The following DAGLA variants were observed in gnomAD, a reference collection of about 807,000 sequenced individuals.
DAGLA encodes diacylglycerol lipase-alpha.
A neutral mutation model predicts 102.6 loss-of-function variants in DAGLA; 22 were observed. The ratio of observed to expected loss-of-function variants is 0.21; its 90% CI spans 0.15 to 0.31. The LOEUF (loss-of-function observed/expected upper bound fraction) is 0.31. DAGLA is among the 10% of genes least tolerant of loss of function. The pLI is 1.00. For synonymous variants in DAGLA, 578 were observed against 628.9 expected (o/e 0.92, Z 1.21); for missense variants, 927 against 1,446.6 (o/e 0.64, Z 5.83).
At chr11:61,704,871 C>T (rs1565250788) in intron 1 of DAGLA, among the ~76,000 whole-genome samples, 1 of 152,142 alleles carries the variant, frequency 6.6e-6, no homozygotes, top group African/African-American at 2.4e-5. Context: ...GAGTGGGGAG[C>T]TGAATGTTCA....
chr11:61,681,246 G>A (rs1021664966), intron 1 of DAGLA, among the ~76,000 whole-genome samples: 1 of 152,242 alleles, frequency 6.6e-6, no homozygotes, highest in South Asian at 2.1e-4. Context: ...CAGAAGGCTG[G>A]GAGAAGGTTG....
intron 15 of DAGLA, 128 bp from the exon 16 acceptor site, chr11:61,738,007 G>A (rs937680084): frequency 4.9e-5 from 38 of 771,334 alleles, no homozygotes; most frequent in Middle Eastern, 2.8e-4. Context: ...TCTCCACCCC[G>A]TGACCCTGGC....
At chr11:61,701,231 TTC>T (rs1160565523) in intron 1 of DAGLA, among the ~76,000 whole-genome samples, 1 of 152,218 alleles carries the variant, frequency 6.6e-6, no homozygotes, top group Non-Finnish European at 1.5e-5. Context: ...CTTGGGCCTT[TTC>T]TCTCTCAGAC....
chr11:61,688,288 C>T (rs547557036), intron 1 of DAGLA, among the ~76,000 whole-genome samples: 40 of 145,824 alleles, frequency 2.7e-4, no homozygotes, highest in African/African-American at 9.8e-4. Context: ...GCACTCCAGC[C>T]TGGGTGACAG....
chr11:61,703,684 T>G (rs931750121), intron 1 of DAGLA, among the ~76,000 whole-genome samples: 1 of 150,528 alleles, frequency 6.6e-6, no homozygotes, highest in African/African-American at 2.4e-5. Flanking sequence ...GAGGAATGGA[T>G]GGATGGATGG....
At chr11:61,735,687 C>A (rs368788097) in intron 11 of DAGLA, 43 bp downstream of exon 11, 1 of 1,612,880 alleles carries the variant, frequency 6.2e-7, no homozygotes, top group Non-Finnish European at 8.5e-7. Flanking sequence ...TGCCTGCCTC[C>A]CTCTTCCTGT....
At chr11:61,706,942 G>A (rs144769645) in intron 1 of DAGLA, among the ~76,000 whole-genome samples, 3 of 152,372 alleles carry the variant, frequency 2.0e-5, no homozygotes, top group East Asian at 3.9e-4. Flanking sequence ...TCTCTCAGAC[G>A]TTGCCGTCAG....
chr11:61,682,610 G>A, intron 1 of DAGLA, among the ~76,000 whole-genome samples: 1 of 152,212 alleles, frequency 6.6e-6, no homozygotes. Flanking sequence ...GGTAGGTCTG[G>A]GAGGTGTCTG....
At chr11:61,680,716 G>GCCCA (rs1250329795) in intron 1 of DAGLA, among the ~76,000 whole-genome samples, 1 of 151,974 alleles carries the variant, frequency 6.6e-6, no homozygotes, top group Non-Finnish European at 1.5e-5. Context: ...ACGGGCGTGG[G>GCCCA]CAACGTGGGT....
At chr11:61,696,401 C>T (rs936165499) in intron 1 of DAGLA, among the ~76,000 whole-genome samples, 3 of 152,158 alleles carry the variant, frequency 2.0e-5, no homozygotes, top group Non-Finnish European at 2.9e-5. Flanking sequence ...GCCGTCCGTC[C>T]GTCAAGGACA....
intron 13 of DAGLA, 42 bp from the exon 14 acceptor site, chr11:61,737,137 TGGC>T (rs1336939850): frequency 6.2e-7 from 1 of 1,611,546 alleles, no homozygotes; most frequent in Admixed American, 1.7e-5. Flanking sequence ...GACAGTCGCT[TGGC>T]GGGCATTGGG....
intron 1 of DAGLA, among the ~76,000 whole-genome samples, chr11:61,699,362 T>C (rs1323583253): frequency 2.6e-5 from 4 of 152,146 alleles, no homozygotes; most frequent in Non-Finnish European, 5.9e-5. Context: ...CAGACCTCCA[T>C]GGCACTGCCT....
chr11:61,692,277 G>C (rs933828144), intron 1 of DAGLA, among the ~76,000 whole-genome samples: 1 of 152,106 alleles, frequency 6.6e-6, no homozygotes, highest in African/African-American at 2.4e-5. Context: ...CATCAGAATC[G>C]CTGGGAGGGG....
intron 1 of DAGLA, among the ~76,000 whole-genome samples, chr11:61,680,883 C>T (rs1301489630): frequency 6.6e-6 from 1 of 152,126 alleles, no homozygotes; most frequent in Non-Finnish European, 1.5e-5. Flanking sequence ...GTGGCCAGCT[C>T]GTGCCGGCAT....
At chr11:61,708,584 C>G (rs935922668) in intron 1 of DAGLA, among the ~76,000 whole-genome samples, 1 of 151,630 alleles carries the variant, frequency 6.6e-6, no homozygotes, top group African/African-American at 2.4e-5. Context: ...GGGGTTTCAC[C>G]GTGTTAGCCA....
At chr11:61,713,960 C>T (rs2065214562) in intron 1 of DAGLA, among the ~76,000 whole-genome samples, 1 of 152,196 alleles carries the variant, frequency 6.6e-6, no homozygotes, top group Non-Finnish European at 1.5e-5. Context: ...ATAGGAATCC[C>T]ATTCGTCATG....
chr11:61,697,774 C>G (rs930312952), intron 1 of DAGLA, among the ~76,000 whole-genome samples: 3 of 152,150 alleles, frequency 2.0e-5, no homozygotes, highest in African/African-American at 7.2e-5. Flanking sequence ...ACTGCAGCCT[C>G]GAATTCCTGG....
At chr11:61,700,972 C>T (rs556709504) in intron 1 of DAGLA, among the ~76,000 whole-genome samples, 1 of 152,334 alleles carries the variant, frequency 6.6e-6, no homozygotes, top group African/African-American at 2.4e-5. Flanking sequence ...CTTGCAATCC[C>T]ACTGACAGGT....
At chr11:61,739,194 C>T (rs928594712) in intron 16 of DAGLA, among the ~76,000 whole-genome samples, 8 of 152,222 alleles carry the variant, frequency 5.3e-5, no homozygotes, top group Admixed American at 4.6e-4. Flanking sequence ...GTTGGCTGGG[C>T]TTCCAGCCCC....
Sources: gnomAD v4.1 joint callset for allele counts (sites outside exome capture counted in the v4.1 genomes callset) on GRCh38, gnomAD v4.1.1 for gene constraint, MANE v1.5 for transcripts, NCBI Gene and HGNC (gene_info 2026-07-23, HGNC 2026-07-21) for gene names.